MAP7D3: variants seen among roughly 807,000 people sequenced by gnomAD.
MAP7D3 encodes MAP7 domain containing 3, also known as MAP7 domain-containing protein 3.
In MAP7D3, 45 loss-of-function variants were observed where a neutral mutation model predicts 62.2. That is an observed-to-expected ratio of 0.72 (90% CI 0.57 to 0.93). MAP7D3 has a LOEUF of 0.93. Ranked by LOEUF, MAP7D3 falls within the 40% of genes least tolerant of loss-of-function variation. The pLI is 0.00. For synonymous variants in MAP7D3, 288 were observed against 248.8 expected (o/e 1.16, Z -1.48); for missense variants, 711 against 683.1 (o/e 1.04, Z -0.45).
downstream of MAP7D3, among the ~76,000 whole-genome samples, chrX:136,216,639 T>C (rs1212034325): frequency 9.0e-6 from 1 of 110,827 alleles, no homozygotes; most frequent in Non-Finnish European, 1.9e-5. Context: ...CATCTTTCTA[T>C]TCCAGAAGTG....
At chrX:136,229,882 T>C (rs919488490) in intron 10 of MAP7D3, among the ~76,000 whole-genome samples, 1 of 103,346 alleles carries the variant, frequency 9.7e-6, no homozygotes, top group Non-Finnish European at 2.0e-5. Context: ...TGGTATAATA[T>C]GGCTTACTCT....
At chrX:136,253,706 T>TCATTTTTTCCTATCTGGATTTTACCAA (rs1447838999), upstream of MAP7D3, among the ~76,000 whole-genome samples, 1 of 112,118 alleles carries the variant, frequency 8.9e-6, no homozygotes, top group Non-Finnish European at 1.9e-5. Flanking sequence ...GCACTTCTTC[T>TCATTTTTTCCTATCTGGATTTTACCAA]TAAGAAATAA....
At chrX:136,253,652 A>G (rs1260723176), upstream of MAP7D3, among the ~76,000 whole-genome samples, 2 of 112,086 alleles carry the variant, frequency 1.8e-5, no homozygotes, top group Non-Finnish European at 3.8e-5. Context: ...ATCAAGGTCA[A>G]ATTTCTTGGG....
At chrX:136,243,182 A>T (rs1158909543) in intron 4 of MAP7D3, among the ~76,000 whole-genome samples, 1 of 111,424 alleles carries the variant, frequency 9.0e-6, no homozygotes, top group African/African-American at 3.3e-5. Flanking sequence ...ATGGAACCAA[A>T]GAGAAAAGGA....
At chrX:136,254,730 C>T (rs372640681), upstream of MAP7D3, among the ~76,000 whole-genome samples, 1 of 111,561 alleles carries the variant, frequency 9.0e-6, no homozygotes, top group East Asian at 2.8e-4. Flanking sequence ...TGGGAACCAC[C>T]TCCAAAAGCG....
intron 6 of MAP7D3, among the ~76,000 whole-genome samples, chrX:136,237,260 C>T (rs2057515157): frequency 8.9e-6 from 1 of 112,228 alleles, no homozygotes; most frequent in Non-Finnish European, 1.9e-5. Flanking sequence ...GCATGAACCA[C>T]AGAGGTGGTT....
chrX:136,218,685 A>G (rs771601772), intron 18 of MAP7D3, among the ~76,000 whole-genome samples, 192 bp from the exon 19 acceptor site: 2 of 111,024 alleles, frequency 1.8e-5, no homozygotes, highest in Non-Finnish European at 1.9e-5. Flanking sequence ...TCTCAATTTC[A>G]AAGAGAACTT....
At chrX:136,239,941 G>A (rs1603281745) in intron 6 of MAP7D3, among the ~76,000 whole-genome samples, 1 of 111,879 alleles carries the variant, frequency 8.9e-6, no homozygotes, top group Non-Finnish European at 1.9e-5. Flanking sequence ...AGGCATGGTG[G>A]CTCACGCCTG....
chrX:136,251,211 T>A, intron 1 of MAP7D3, 78 bp downstream of exon 1: 3 of 894,822 alleles, frequency 3.4e-6, no homozygotes, highest in Non-Finnish European at 4.5e-6. Context: ...GCTGCGCCGC[T>A]CCGACGGCCC....
intron 14 of MAP7D3, among the ~76,000 whole-genome samples, chrX:136,222,899 T>C (rs777160921): frequency 4.6e-5 from 5 of 107,940 alleles, no homozygotes; most frequent in Admixed American, 3.0e-4. Context: ...TGGAGTGCAG[T>C]GGCACGATCA....
intron 9 of MAP7D3, 91 bp downstream of exon 9, chrX:136,230,748 T>G: frequency 2.0e-6 from 2 of 998,615 alleles, no homozygotes; most frequent in Non-Finnish European, 2.8e-6. Context: ...TGTGTTACCA[T>G]GCATACTATA....
chrX:136,231,906 TGCTCACCACAGGCGACACGTCCAC>T lies in MAP7D3; in HGVS notation c.1027_1050del (p.Val343_Ser350del), dbSNP rs776890317. ...TCCATGCTCATCTCAGAATCATATG[TGCTCACCACAGGCGACACGTCCAC>T]GCTCACCACAGGGAATGAGTCCGTG... On this transcript the variant is annotated inframe_deletion, in exon 8 of 19. Transcript: ENST00000316077. 8.3e-7 allele frequency: 1 copy of T among 1,209,308 alleles called. No homozygotes were observed. The highest frequency in any genetic ancestry group is 1.1e-6 in the Non-Finnish European group (1 of 894,967).
At chrX:136,254,485 A>G (rs1436119825), upstream of MAP7D3, among the ~76,000 whole-genome samples, 1 of 111,496 alleles carries the variant, frequency 9.0e-6, no homozygotes, top group Non-Finnish European at 1.9e-5. Flanking sequence ...GAGGCACCCT[A>G]CTAGTCTTTT....
chrX:136,227,993 C>G (rs2148404397), intron 11 of MAP7D3, among the ~76,000 whole-genome samples: 1 of 111,928 alleles, frequency 8.9e-6, no homozygotes, highest in Admixed American at 9.5e-5. Flanking sequence ...TACTTAAAAG[C>G]AAATTCAGTA....
downstream of MAP7D3, chrX:136,214,957 C>G (rs1254271874): frequency 8.9e-6 from 1 of 111,906 alleles, no homozygotes; most frequent in Non-Finnish European, 1.9e-5. Context: ...GACCTGGCGC[C>G]AGACTTGGCA....
At chrX:136,227,690 C>T (rs1170310948) in intron 11 of MAP7D3, among the ~76,000 whole-genome samples, 2 of 110,476 alleles carry the variant, frequency 1.8e-5, no homozygotes, top group African/African-American at 6.6e-5. Flanking sequence ...AACACACATA[C>T]GTGAGAGGAA....
chrX:136,252,015 T>C (rs1023947538), upstream of MAP7D3, among the ~76,000 whole-genome samples: 4 of 112,513 alleles, frequency 3.6e-5, no homozygotes, highest in African/African-American at 9.7e-5. Flanking sequence ...CTCCGGATTT[T>C]GGGAGAGACT....
In MAP7D3 at chrX:136,251,182, G is replaced by A. The variant is rs889739054; in HGVS notation, c.70+107C>T. The A allele has an allele frequency of 4.4e-5, 30 of 677,868 alleles. No individual in the cohort carries two copies. The Admixed American group carries it at 8.8e-4, about 20-fold the overall frequency. 55.9% of individuals were successfully genotyped at this position (677,868 alleles called of 1,213,427 possible). A position where few individuals can be genotyped will look rare whatever the true frequency, so the allele number is the denominator to read the frequency against. ...CCAGATAGCACGAGGCGACTCCAGG[G>A]AAAAGTTTTGTGGCGCCCGCTGCGC... On this transcript the variant is annotated intron_variant, in intron 1 of 18. Transcript: ENST00000316077.
At position 136,231,889 on chromosome X, in the gene MAP7D3, C is replaced by T. The variant is rs2074274107; in HGVS notation, c.1068G>A (p.Met356Ile). 3.3e-6 allele frequency: 4 copies of T among 1,211,737 alleles called. No homozygotes were observed. The highest frequency in any genetic ancestry group is 3.4e-6 in the Non-Finnish European group (3 of 895,439). The change falls in exon 8 of 19, where the codon ATG (methionine) becomes ATA (isoleucine). Residue 356 changes from methionine to isoleucine, a missense_variant. By Grantham distance (10) the Met-to-Ile change is conservative. Transcript: ENST00000316077. ...TCAACTCGGGGGATGCGTCCATGCT[C>T]ATCTCAGAATCATATGTGCTCACCA... ...SPVVSTYDSE[M>I]SMDASPELSI...
Sources: gnomAD v4.1 joint callset for allele counts (sites outside exome capture counted in the v4.1 genomes callset) on GRCh38, gnomAD v4.1.1 for gene constraint, MANE v1.5 for transcripts, NCBI Gene and HGNC (gene_info 2026-07-23, HGNC 2026-07-21) for gene names.